The following KCNH5 variants were observed in gnomAD, a reference collection of about 807,000 sequenced individuals.
The protein encoded by KCNH5 is potassium voltage-gated channel subfamily H member 5.
KCNH5 carries 46 observed loss-of-function variants against 96.1 expected under a neutral mutation model. That is an observed-to-expected ratio of 0.48 (90% CI 0.38 to 0.61). The LOEUF (loss-of-function observed/expected upper bound fraction) is 0.61, where lower values mean the gene tolerates loss of function less well. Ranked by LOEUF, KCNH5 falls within the 20% of genes least tolerant of loss-of-function variation. The pLI is 0.00. For missense variants in KCNH5, 907 were observed against 1,225.8 expected (o/e 0.74, Z 3.88); for synonymous variants, 439 against 449.8 (o/e 0.98, Z 0.30).
intron 7 of KCNH5, among the ~76,000 whole-genome samples, chr14:62,905,597 G>C (rs1391735809): frequency 6.6e-6 from 1 of 152,146 alleles, no homozygotes; most frequent in African/African-American, 2.4e-5. Context: ...ACATTTCTCT[G>C]CTAAATGTGT....
At chr14:62,950,742 A>G (rs898577373) in intron 6 of KCNH5, among the ~76,000 whole-genome samples, 183 bp from the exon 7 acceptor site, 1 of 152,148 alleles carries the variant, frequency 6.6e-6, no homozygotes, top group Non-Finnish European at 1.5e-5. Flanking sequence ...AAAAAAATAG[A>G]TATCTTCCTA....
intron 8 of KCNH5, among the ~76,000 whole-genome samples, chr14:62,820,898 A>G (rs1013697799): frequency 6.6e-6 from 1 of 152,066 alleles, no homozygotes; most frequent in Admixed American, 6.6e-5. Context: ...TGGGGCATAT[A>G]TGCAGTAATG....
chr14:62,916,719 G>C (rs1453485017), intron 7 of KCNH5, among the ~76,000 whole-genome samples: 1 of 124,980 alleles, frequency 8.0e-6, no homozygotes, highest in Non-Finnish European at 1.7e-5. Flanking sequence ...GATTTGAAAG[G>C]AGAGAGCACA....
At chr14:62,952,254 T>C (rs1566719852) in intron 6 of KCNH5, among the ~76,000 whole-genome samples, 2 of 152,072 alleles carry the variant, frequency 1.3e-5, no homozygotes, top group African/African-American at 4.8e-5. Flanking sequence ...CTTTAACACT[T>C]GGGGGAAAAA....
At chr14:62,736,801 C>G (rs900252802) in intron 10 of KCNH5, among the ~76,000 whole-genome samples, 3 of 152,198 alleles carry the variant, frequency 2.0e-5, no homozygotes, top group African/African-American at 7.2e-5. Flanking sequence ...CCTGTCTTTA[C>G]TGCCGAGCCA....
intron 9 of KCNH5, among the ~76,000 whole-genome samples, chr14:62,790,235 C>T (rs1461820337): frequency 6.6e-6 from 1 of 151,728 alleles, no homozygotes; most frequent in African/African-American, 2.4e-5. Context: ...TATTTCTGGG[C>T]TCTCTGTTCT....
chr14:63,003,606 ATT>A (rs1332825317), intron 3 of KCNH5, among the ~76,000 whole-genome samples: 4 of 122,964 alleles, frequency 3.3e-5, no homozygotes, highest in Admixed American at 9.7e-5. Context: ...ATATATTTAT[ATT>A]TATATATATA....
At chr14:62,793,156 G>A (rs1440683971) in intron 9 of KCNH5, among the ~76,000 whole-genome samples, 1 of 151,660 alleles carries the variant, frequency 6.6e-6, no homozygotes, top group Non-Finnish European at 1.5e-5. Context: ...TGGGGGAAAG[G>A]ATAGTTTTTG....
At chr14:62,732,000 C>T (rs529556188) in intron 10 of KCNH5, among the ~76,000 whole-genome samples, 1 of 152,252 alleles carries the variant, frequency 6.6e-6, no homozygotes, top group South Asian at 2.1e-4. Flanking sequence ...ATCAATAGGG[C>T]TTCCCATAAA....
chr14:62,720,104 A>G (rs1884773877), intron 10 of KCNH5, among the ~76,000 whole-genome samples: 2 of 152,224 alleles, frequency 1.3e-5, no homozygotes, highest in African/African-American at 2.4e-5. Flanking sequence ...TTTGAGCGAG[A>G]TATTCATGAA....
chr14:62,866,338 C>G (rs914359957), intron 7 of KCNH5, among the ~76,000 whole-genome samples: 1 of 152,192 alleles, frequency 6.6e-6, no homozygotes, highest in Non-Finnish European at 1.5e-5. Flanking sequence ...CCATGAAACA[C>G]TGTATCCTAT....
chr14:62,901,470 C>A (rs1253215644), intron 7 of KCNH5, among the ~76,000 whole-genome samples: 2 of 152,108 alleles, frequency 1.3e-5, no homozygotes, highest in East Asian at 1.9e-4. Context: ...AAAGTGGAAA[C>A]CTGCAGTATT....
intron 5 of KCNH5, among the ~76,000 whole-genome samples, chr14:62,982,002 C>T (rs1452101700): frequency 6.6e-6 from 1 of 152,060 alleles, no homozygotes; most frequent in African/African-American, 2.4e-5. Context: ...GATGACAGAG[C>T]AAGAGTAGAG....
chr14:62,881,333 C>CTT (rs376531666), intron 7 of KCNH5, among the ~76,000 whole-genome samples: 1 of 145,844 alleles, frequency 6.9e-6, no homozygotes, highest in African/African-American at 2.5e-5. Context: ...TGTCTCACTT[C>CTT]TTTTTTTTTT....
chr14:62,740,466 G>C (rs759453163), intron 10 of KCNH5, among the ~76,000 whole-genome samples: 1 of 151,948 alleles, frequency 6.6e-6, no homozygotes, highest in African/African-American at 2.4e-5. Flanking sequence ...GCCCCATTTT[G>C]CTCTCCTGCT....
chr14:63,026,990 T>C (rs1891535513), intron 1 of KCNH5, among the ~76,000 whole-genome samples: 1 of 152,072 alleles, frequency 6.6e-6, no homozygotes, highest in African/African-American at 2.4e-5. Context: ...AAATGTGGTA[T>C]ATATGCCTAA....
chr14:62,856,479 T>A (rs1425913008), intron 7 of KCNH5, among the ~76,000 whole-genome samples: 1 of 152,204 alleles, frequency 6.6e-6, no homozygotes, highest in African/African-American at 2.4e-5. Flanking sequence ...CAACCATCAT[T>A]TTCTACTTTT....
At chr14:62,819,425 C>A (rs1044840060) in intron 8 of KCNH5, among the ~76,000 whole-genome samples, 1 of 152,052 alleles carries the variant, frequency 6.6e-6, no homozygotes, top group East Asian at 1.9e-4. Flanking sequence ...TCCATAGACA[C>A]AGAAAATAGA....
intron 8 of KCNH5, among the ~76,000 whole-genome samples, chr14:62,826,430 G>GTGTT (rs1477460205): frequency 6.6e-6 from 1 of 151,324 alleles, no homozygotes; most frequent in Non-Finnish European, 1.5e-5. Flanking sequence ...GTGTGTGTGT[G>GTGTT]TGTGTGTGTG....
Sources: allele counts gnomAD v4.1 joint callset (sites outside exome capture counted in the v4.1 genomes callset), GRCh38; gene constraint gnomAD v4.1.1; transcripts MANE v1.5; gene names NCBI Gene and HGNC (gene_info 2026-07-23, HGNC 2026-07-21).